The following SNTG1 variants were observed in gnomAD, a reference collection of about 807,000 sequenced individuals.
SNTG1 encodes syntrophin gamma 1.
Under a neutral mutation model 74.7 loss-of-function variants are expected in SNTG1, and 39 were observed. That is an observed-to-expected ratio of 0.52 (90% CI 0.40 to 0.68). The LOEUF (loss-of-function observed/expected upper bound fraction) is 0.68, where lower values mean the gene tolerates loss of function less well. Ranked by LOEUF, SNTG1 falls within the 30% of genes least tolerant of loss-of-function variation. The pLI is 0.00. For synonymous variants in SNTG1, 254 were observed against 217.1 expected (o/e 1.17, Z -1.49); for missense variants, 685 against 609.5 (o/e 1.12, Z -1.30).
chr8:50,134,949 A>G (rs2081425375), intron 1 of SNTG1, among the ~76,000 whole-genome samples: 2 of 152,164 alleles, frequency 1.3e-5, no homozygotes, highest in African/African-American at 4.8e-5. Flanking sequence ...GGTCAAATAA[A>G]TAGAAACTGT....
chr8:50,363,025 A>G (rs950170901), intron 2 of SNTG1, among the ~76,000 whole-genome samples: 5 of 152,152 alleles, frequency 3.3e-5, no homozygotes, highest in African/African-American at 1.2e-4. Flanking sequence ...CCCTATCAGG[A>G]CATAGCAGAA....
intron 2 of SNTG1, among the ~76,000 whole-genome samples, chr8:50,249,187 T>A (rs1488294140): frequency 6.6e-6 from 1 of 152,182 alleles, no homozygotes; most frequent in Non-Finnish European, 1.5e-5. Context: ...CTTCTAGTCC[T>A]TACAGGCCCT....
At chr8:50,671,375 T>G (rs993666922) in intron 15 of SNTG1, among the ~76,000 whole-genome samples, 58 of 151,810 alleles carry the variant, frequency 3.8e-4, no homozygotes, top group African/African-American at 1.3e-3. Context: ...CATCAAAAAG[T>G]GGGCGAAGGA....
At chr8:50,063,714 TA>T (rs1043602892) in intron 1 of SNTG1, among the ~76,000 whole-genome samples, 3 of 152,128 alleles carry the variant, frequency 2.0e-5, no homozygotes, top group African/African-American at 7.2e-5. Flanking sequence ...TTTTTTTTTT[TA>T]AATATAAAAT....
chr8:50,060,124 T>C (rs969543761), intron 1 of SNTG1, among the ~76,000 whole-genome samples: 1 of 152,144 alleles, frequency 6.6e-6, no homozygotes, highest in Admixed American at 6.6e-5. Flanking sequence ...TCTTTGTATG[T>C]GCTTTTTTGG....
At chr8:50,005,001 C>T (rs1815080701) in intron 1 of SNTG1, among the ~76,000 whole-genome samples, 1 of 152,128 alleles carries the variant, frequency 6.6e-6, no homozygotes, top group Admixed American at 6.6e-5. Flanking sequence ...ATGGCCTTTT[C>T]CGCGAGCCAG....
chr8:50,120,339 G>C (rs1191211664), intron 1 of SNTG1, among the ~76,000 whole-genome samples: 1 of 138,796 alleles, frequency 7.2e-6, no homozygotes, highest in Non-Finnish European at 1.6e-5. Context: ...GTGTTACTAC[G>C]ATCACGACTA....
chr8:50,416,982 A>G (rs1260875010), intron 4 of SNTG1, among the ~76,000 whole-genome samples: 1 of 152,172 alleles, frequency 6.6e-6, no homozygotes, highest in Non-Finnish European at 1.5e-5. Context: ...TGCACTTTGG[A>G]CACTATAAAT....
At chr8:50,052,604 T>C (rs902646182) in intron 1 of SNTG1, among the ~76,000 whole-genome samples, 1 of 152,110 alleles carries the variant, frequency 6.6e-6, no homozygotes, top group Non-Finnish European at 1.5e-5. Context: ...AAAGAGTTTT[T>C]ACCCCAGTGG....
At chr8:50,204,984 G>T (rs1280913606) in intron 2 of SNTG1, among the ~76,000 whole-genome samples, 1 of 152,156 alleles carries the variant, frequency 6.6e-6, no homozygotes, top group East Asian at 1.9e-4. Flanking sequence ...GGACATTTGG[G>T]TTGGTTCCAA....
intron 17 of SNTG1, among the ~76,000 whole-genome samples, chr8:50,719,386 T>G (rs1375595692): frequency 6.6e-6 from 1 of 152,174 alleles, no homozygotes; most frequent in Non-Finnish European, 1.5e-5. Context: ...AACAAGGCAC[T>G]ATTTTCGAAG....
intron 1 of SNTG1, among the ~76,000 whole-genome samples, chr8:50,078,732 G>A (rs985531822): frequency 2.0e-5 from 3 of 152,008 alleles, no homozygotes; most frequent in Non-Finnish European, 2.9e-5. Context: ...CCCTCGACAG[G>A]CCCCAGCGTG....
intron 1 of SNTG1, among the ~76,000 whole-genome samples, chr8:50,059,539 T>C (rs1283705432): frequency 6.6e-6 from 1 of 152,120 alleles, no homozygotes; most frequent in East Asian, 1.9e-4. Context: ...ACTAACCTAC[T>C]TTCTGTTCCT....
chr8:50,372,120 A>G (rs1323373611), intron 2 of SNTG1, among the ~76,000 whole-genome samples: 1 of 136,022 alleles, frequency 7.4e-6, no homozygotes, highest in Non-Finnish European at 1.7e-5. Context: ...AACTCTTTTC[A>G]TTTTTCATCC....
At chr8:50,342,934 T>G (rs2091361717) in intron 2 of SNTG1, among the ~76,000 whole-genome samples, 1 of 152,116 alleles carries the variant, frequency 6.6e-6, no homozygotes, top group South Asian at 2.1e-4. Context: ...TGCCTGGAGC[T>G]CACTGACAAA....
At chr8:50,291,503 GCCAGTGA>G (rs1381280346) in intron 2 of SNTG1, among the ~76,000 whole-genome samples, 1 of 152,082 alleles carries the variant, frequency 6.6e-6, no homozygotes, top group Non-Finnish European at 1.5e-5. Context: ...GTGTTTGAAG[GCCAGTGA>G]CATAATAAAT....
chr8:50,035,341 T>C (rs561664070), intron 1 of SNTG1, among the ~76,000 whole-genome samples: 1 of 152,262 alleles, frequency 6.6e-6, no homozygotes, highest in Admixed American at 6.5e-5. Context: ...CTCTGTTCTT[T>C]TCCAACTTCT....
At chr8:50,584,273 A>G (rs1054009602) in intron 12 of SNTG1, among the ~76,000 whole-genome samples, 30 of 104,446 alleles carry the variant, frequency 2.9e-4, no homozygotes, top group African/African-American at 1.0e-3. Context: ...TCCTTTGGGT[A>G]TATACCCAGT....
intron 1 of SNTG1, among the ~76,000 whole-genome samples, chr8:49,979,320 G>C (rs1338126908): frequency 1.3e-5 from 2 of 152,202 alleles, no homozygotes; most frequent in Non-Finnish European, 2.9e-5. Flanking sequence ...CCCAGAGCAC[G>C]GATGGGCCCA....
Sources: gnomAD v4.1 joint callset for allele counts (sites outside exome capture counted in the v4.1 genomes callset) on GRCh38, gnomAD v4.1.1 for gene constraint, MANE v1.5 for transcripts, NCBI Gene and HGNC (gene_info 2026-07-23, HGNC 2026-07-21) for gene names.